MARS1: variants seen among roughly 807,000 people sequenced by gnomAD.
MARS1 encodes methionyl-tRNA synthetase 1.
In MARS1, 80 loss-of-function variants were observed where a neutral mutation model predicts 119.5. That is an observed-to-expected ratio of 0.67 (90% CI 0.56 to 0.81). The LOEUF (loss-of-function observed/expected upper bound fraction) is 0.81. MARS1 is among the 30% of genes least tolerant of loss of function. MARS1 has a pLI of 0.00. For missense variants in MARS1, 945 were observed against 1,116.5 expected (o/e 0.85, Z 2.19); for synonymous variants, 418 against 433.4 (o/e 0.96, Z 0.44).
chr12:57,488,230 TGG>T (rs766598952), intron 1 of MARS1, 31 bp downstream of exon 1: 40 of 1,584,492 alleles, frequency 2.5e-5, no homozygotes, highest in Non-Finnish European at 3.5e-5. Context: ...GGGCGGTGGA[TGG>T]GGGGGCGGGA....
At chr12:57,493,282 CTTGTT>C (rs1565639282) in intron 7 of MARS1, among the ~76,000 whole-genome samples, 3 of 109,436 alleles carry the variant, frequency 2.7e-5, no homozygotes, top group African/African-American at 1.1e-4. Context: ...TGTTGTTTTG[CTTGTT>C]TTGAGTATAT....
chr12:57,502,575 G>C (rs1260942403), intron 10 of MARS1, among the ~76,000 whole-genome samples: 1 of 151,772 alleles, frequency 6.6e-6, no homozygotes, highest in Non-Finnish European at 1.5e-5. Context: ...GTGTGGTGGT[G>C]CGTGCCTGTA....
rs775386913 is a variant in MARS1, at chr12:57,514,669, ATAATAACTTCCCCTCTTTT to A, written c.1968-49_1968-31del. ...GGTGAAATTCTAACAAGGAGACGGG[ATAATAACTTCCCCTCTTTT>A]TTCCACTTCTGCTTTCCTACTCCCA... On this transcript the variant is annotated intron_variant, in intron 15 of 20. Transcript: ENST00000262027. The A allele has an allele frequency of 9.9e-6, 16 of 1,609,968 alleles. No individual in the cohort carries two copies. The African/African-American group carries it at 2.0e-4, about 20-fold the overall frequency.
At position 57,500,163 on chromosome 12, in the gene MARS1, G is replaced by A. The variant is rs1001543434; in HGVS notation, c.1092-158G>A. 19 of 692,540 alleles carry A rather than the reference G, an allele frequency of 2.7e-5. No individual in the cohort carries two copies. The African/African-American group carries it at 3.3e-4, about 12-fold the overall frequency. The allele number at this position is 692,540 out of a possible 1,614,324, so 42.9% of individuals were successfully genotyped here. On this transcript the variant is annotated intron_variant, in intron 9 of 20. Coordinates refer to ENST00000262027, the MANE Select transcript of MARS1 (RefSeq NM_004990.4). ...TGTGTGATGGGTCTGAGCTCATCCA[G>A]TAAAACTCTCAAAAGATGAATAGAT...
intron 10 of MARS1, among the ~76,000 whole-genome samples, chr12:57,501,959 T>G (rs1227843118): frequency 1.3e-5 from 2 of 151,990 alleles, no homozygotes; most frequent in Non-Finnish European, 2.9e-5. Context: ...TGCCACTGCA[T>G]TCCAGCCTGG....
At chr12:57,495,788 C>T (rs2140013742) in intron 7 of MARS1, among the ~76,000 whole-genome samples, 1 of 152,282 alleles carries the variant, frequency 6.6e-6, no homozygotes, top group Non-Finnish European at 1.5e-5. Context: ...CACTCGCGGT[C>T]AGGAGCTGGA....
chr12:57,488,546 C>G, intron 1 of MARS1: 1 of 1,543,732 alleles, frequency 6.5e-7, no homozygotes, highest in Non-Finnish European at 8.8e-7. Flanking sequence ...CCCCAGGCAC[C>G]CTTTTGTGTT....
rs781643044 is a variant in MARS1, at chr12:57,516,422, C to G, written c.2557-13C>G. ...TTGCCTCACTGTTACCTCCCCACCC[C>G]CCTTTATCTTAGGGAAACATTGTCC... On this transcript the variant is annotated splice_polypyrimidine_tract_variant and intron_variant, in intron 20 of 20. Transcript: ENST00000262027. The G allele has an allele frequency of 8.7e-6, 14 of 1,612,894 alleles. No homozygotes were observed. In the Admixed American group the frequency reaches 1.3e-4, roughly 15 times the overall value.
At chr12:57,496,054 A>G (rs1208617805) in intron 7 of MARS1, among the ~76,000 whole-genome samples, 1 of 152,168 alleles carries the variant, frequency 6.6e-6, no homozygotes, top group African/African-American at 2.4e-5. Context: ...TTTTTAGTAG[A>G]GACGGGGTTT....
Position 57,489,911 on chromosome 12 carries a change from G to C in MARS1, c.430G>C (p.Ala144Pro). The change falls in exon 5 of 21, where the codon GCC (alanine) becomes CCC (proline). Residue 144 changes from alanine (A) to proline (P), a missense_variant. Transcript: ENST00000262027. ...PFLAGETESL[A>P]DIVLWGALYP... is the part of the protein sequence containing the mutation. Reference sequence around the variant, plus strand: ...CCCAACAAAGGAGACAGAATCTCTAGCCGACATTGTTTTGTGGGGAGCCCT... The same window carrying C: ...CCCAACAAAGGAGACAGAATCTCTACCCGACATTGTTTTGTGGGGAGCCCT... 6.2e-7 allele frequency: 1 copy of C among 1,614,122 alleles called. No individual in the cohort carries two copies. The highest frequency in any genetic ancestry group is 8.5e-7 in the Non-Finnish European group (1 of 1,180,000).
At chr12:57,508,328 G>A (rs910856261) in intron 11 of MARS1, among the ~76,000 whole-genome samples, 4 of 152,184 alleles carry the variant, frequency 2.6e-5, no homozygotes, top group African/African-American at 9.7e-5. Flanking sequence ...GGTGGAGGTT[G>A]TAGCGAGCCG....
rs1360620644 is a variant in MARS1, at chr12:57,515,322, C to T, written c.2377C>T (p.His793Tyr). 6.2e-7 allele frequency: 1 copy of T among 1,613,044 alleles called. No individual in the cohort carries two copies. Among genetic ancestry groups the T allele is most frequent in the South Asian group, 1.1e-5 (1 of 91,074 alleles). The change falls in exon 18 of 21, where the codon CAC becomes TAC. Residue 793 changes from histidine to tyrosine, a missense_variant. His to Tyr is a moderately conservative substitution (Grantham distance 83, BLOSUM62 2). Coordinates refer to ENST00000262027, the MANE Select transcript of MARS1 (RefSeq NM_004990.4). ...CTTCCTGTGTACCTTACCAGCAGGACACCAGATTGGCACAGTAGGTGGAAG... is the reference window on the plus strand; with the variant it reads ...CTTCCTGTGTACCTTACCAGCAGGATACCAGATTGGCACAGTAGGTGGAAG... ...TNFLCTLPAG[H>Y]QIGTVSPLFQ... is the part of the protein sequence containing the mutation.
In MARS1 at chr12:57,488,727, C is replaced by T. The variant is rs550591262; in HGVS notation, c.110-292C>T. The T allele has an allele frequency of 4.3e-6, 6 of 1,398,956 alleles. No homozygotes were observed. The African/African-American group carries it at 5.7e-5, about 13-fold the overall frequency. 86.7% of individuals were successfully genotyped at this position (1,398,956 alleles called of 1,614,324 possible). A position where few individuals can be genotyped will look rare whatever the true frequency, so the allele number is the denominator to read the frequency against. On this transcript the variant is annotated intron_variant, in intron 1 of 20. Coordinates refer to ENST00000262027, the MANE Select transcript of MARS1 (RefSeq NM_004990.4). The stretch of plus-strand genomic sequence containing the variant: ...GACCTTCAGATAATTATGAAGATAT[C>T]CCAGTTACTTTCAGTCGTTAAGTTC...
At chr12:57,502,929 G>A (rs1269289710) in intron 10 of MARS1, among the ~76,000 whole-genome samples, 1 of 151,894 alleles carries the variant, frequency 6.6e-6, no homozygotes, top group African/African-American at 2.4e-5. Context: ...AGGAGGCCGA[G>A]GCTGGAGAAT....
intron 11 of MARS1, among the ~76,000 whole-genome samples, chr12:57,507,760 C>T (rs1219790141): frequency 6.7e-6 from 1 of 149,284 alleles, no homozygotes; most frequent in Non-Finnish European, 1.5e-5. Flanking sequence ...GGGGCTGACC[C>T]CCCACCTCCC....
At chr12:57,515,442 G>A in intron 18 of MARS1, 106 bp downstream of exon 18, 1 of 1,112,844 alleles carries the variant, frequency 9.0e-7, no homozygotes, top group Non-Finnish European at 1.3e-6. Flanking sequence ...TTGGTCATGG[G>A]ACTCCTAAGT....
chr12:57,499,685 G>T (rs1040842196), intron 9 of MARS1, among the ~76,000 whole-genome samples: 2 of 151,828 alleles, frequency 1.3e-5, no homozygotes, highest in Non-Finnish European at 1.5e-5. Context: ...TGGATCACGA[G>T]GTCAGGAGTT....
chr12:57,489,020 T>C lies in MARS1; in HGVS notation c.111T>C (p.Asp37=). ...ACCCATTTTCCATTCTTGCATCAGA[T>C]TGTGTGGTCCCGTTCCTGACCCGGC... ...EVLISTVGPE[D]CVVPFLTRPK... The change falls in exon 2 of 21, where the codon GAT becomes GAC. Residue 37 remains aspartate, a splice_region_variant and synonymous_variant. Coordinates refer to ENST00000262027, the MANE Select transcript of MARS1 (RefSeq NM_004990.4). The C allele has an allele frequency of 6.2e-7, 1 of 1,609,712 alleles. No individual in the cohort carries two copies.
intron 7 of MARS1, among the ~76,000 whole-genome samples, chr12:57,497,243 A>G (rs994162457): frequency 1.6e-4 from 24 of 152,168 alleles, no homozygotes; most frequent in Non-Finnish European, 3.4e-4. Context: ...TTATGGAGAG[A>G]AAGGGTGATG....
Sources: gnomAD v4.1 joint callset for allele counts (sites outside exome capture counted in the v4.1 genomes callset) on GRCh38, gnomAD v4.1.1 for gene constraint, MANE v1.5 for transcripts, NCBI Gene and HGNC (gene_info 2026-07-23, HGNC 2026-07-21) for gene names.